Variants in TNS3 observed in about 807,000 individuals in gnomAD.
The protein encoded by TNS3 is tensin-3.
A neutral mutation model predicts 140.9 loss-of-function variants in TNS3; 45 were observed. The ratio of observed to expected loss-of-function variants is 0.32; its 90% CI spans 0.25 to 0.41. TNS3 has a LOEUF of 0.41. TNS3 is among the 10% of genes least tolerant of loss of function. The pLI is 1.00. For synonymous variants in TNS3, 815 were observed against 788.4 expected, an observed-to-expected ratio of 1.03 and a Z score of -0.56; for missense variants, 1,716 against 1,906.7, an observed-to-expected ratio of 0.90 and a Z score of 1.86.
chr7:47,449,210 G>C (rs1001578380), intron 4 of TNS3, among the ~76,000 whole-genome samples: 3 of 152,242 alleles, frequency 2.0e-5, no homozygotes, highest in African/African-American at 7.2e-5. Flanking sequence ...AGTGTGAAGA[G>C]TAGAGTCAGC....
chr7:47,569,779 G>C (rs1441033980), intron 1 of TNS3, among the ~76,000 whole-genome samples: 2 of 149,350 alleles, frequency 1.3e-5, no homozygotes. Flanking sequence ...ACTTGAACCT[G>C]GTAGGTGGAG....
intron 7 of TNS3, among the ~76,000 whole-genome samples, chr7:47,436,993 C>T (rs750914094): frequency 5.3e-5 from 8 of 152,058 alleles, no homozygotes; most frequent in Non-Finnish European, 1.0e-4. Flanking sequence ...ACTTCCTGAC[C>T]TAGATATTTC....
In TNS3 at chr7:47,302,092, C is replaced by T. The variant is rs541204635; in HGVS notation, c.3544+94G>A. On this transcript the variant is annotated intron_variant, in intron 23 of 30. Coordinates refer to ENST00000311160, the MANE Select transcript of TNS3 (RefSeq NM_022748.12). ...TCAATCCATATGAAGGCCACGGCTG[C>T]CCGATGTTCCCACCGCAGGGCCCAT... 1.5e-5 allele frequency: 15 copies of T among 1,017,692 alleles called. No homozygotes were observed. The East Asian group carries it at 3.1e-4, about 21-fold the overall frequency. 63.0% of individuals were successfully genotyped at this position (1,017,692 alleles called of 1,614,324 possible).
chr7:47,400,714 G>C, intron 14 of TNS3, 71 bp downstream of exon 14: 17 of 1,585,616 alleles, frequency 1.1e-5, no homozygotes, highest in Non-Finnish European at 1.4e-5. Context: ...AAAGGGGATA[G>C]TGAAAGAATC....
intron 8 of TNS3, among the ~76,000 whole-genome samples, chr7:47,433,200 A>C (rs187369840): frequency 1.3e-5 from 2 of 152,370 alleles, no homozygotes; most frequent in Admixed American, 6.5e-5. Flanking sequence ...CATGTGTGGA[A>C]GGAAACGCGC....
intron 16 of TNS3, among the ~76,000 whole-genome samples, chr7:47,380,225 C>T (rs1391013686): frequency 3.3e-5 from 5 of 152,362 alleles, no homozygotes; most frequent in East Asian, 1.9e-4. Context: ...GGCGGCTCCC[C>T]GGGCAGACCT....
At chr7:47,378,305 A>T (rs1485332571) in intron 16 of TNS3, among the ~76,000 whole-genome samples, 1 of 152,156 alleles carries the variant, frequency 6.6e-6, no homozygotes, top group Admixed American at 6.5e-5. Flanking sequence ...GAGTACACAG[A>T]ACGCAGGTCC....
At chr7:47,355,929 C>T (rs1417006073) in intron 17 of TNS3, among the ~76,000 whole-genome samples, 1 of 152,160 alleles carries the variant, frequency 6.6e-6, no homozygotes, top group Non-Finnish European at 1.5e-5. Context: ...CCATGCTGCC[C>T]ACTCACACAC....
chr7:47,438,197 G>T (rs1795285117), intron 6 of TNS3, among the ~76,000 whole-genome samples: 1 of 152,314 alleles, frequency 6.6e-6, no homozygotes, highest in Non-Finnish European at 1.5e-5. Context: ...TATGACAAGG[G>T]GGGGCGCTGC....
intron 20 of TNS3, among the ~76,000 whole-genome samples, chr7:47,310,981 T>C (rs1279997494): frequency 6.6e-6 from 1 of 150,720 alleles, no homozygotes. Context: ...GATGGAAATT[T>C]GGGTTGGTTC....
At chr7:47,321,253 C>T (rs1459061710) in intron 20 of TNS3, among the ~76,000 whole-genome samples, 4 of 152,198 alleles carry the variant, frequency 2.6e-5, no homozygotes, top group Non-Finnish European at 4.4e-5. Flanking sequence ...AATGGGTAGG[C>T]TACTCACTTT....
Position 47,407,439 on chromosome 7 carries a change from G to A in TNS3, c.723+4288C>T, listed in dbSNP as rs960585576. 1.1e-4 allele frequency among the ~76,000 whole-genome samples: 17 copies of A among 152,318 alleles called. No homozygotes were observed. Among genetic ancestry groups the A allele is most frequent in the Admixed American group, 6.5e-4 (10 of 15,306 alleles). On this transcript the variant is annotated intron_variant, in intron 13 of 30. Coordinates refer to ENST00000311160, the MANE Select transcript of TNS3 (RefSeq NM_022748.12). The surrounding 1 kb of genome is among the most constrained non-coding windows in gnomAD (Gnocchi z 4.1). Reference sequence around the variant, plus strand: ...TGCACTGCCCACTCACGTGTCCACCGCATCTTCTCATGCAGGCCGCACGCT... The same window carrying A: ...TGCACTGCCCACTCACGTGTCCACCACATCTTCTCATGCAGGCCGCACGCT...
At chr7:47,441,858 G>C (rs1429091686) in intron 5 of TNS3, 145 bp downstream of exon 5, 7 of 571,746 alleles carry the variant, frequency 1.2e-5, no homozygotes, top group Non-Finnish European at 2.0e-5. Flanking sequence ...AACCTGGCCT[G>C]TATCACCTTT....
chr7:47,388,117 G>A (rs1244633575), intron 16 of TNS3, among the ~76,000 whole-genome samples: 1 of 152,202 alleles, frequency 6.6e-6, no homozygotes, highest in Admixed American at 6.5e-5. Context: ...CCTACCAGGA[G>A]ATGGACATAA....
rs1349132472 is a variant in TNS3 at position 47,529,075 on chromosome 7, A to G, written c.-192T>C. 9.3e-6 allele frequency: 12 copies of G among 1,288,738 alleles called. No homozygotes were observed. Among genetic ancestry groups the G allele is most frequent in the Admixed American group, 2.3e-5 (1 of 43,228 alleles). The allele number at this position is 1,288,738 out of a possible 1,614,324, so 79.8% of individuals were successfully genotyped here. On this transcript the variant is annotated 5_prime_UTR_variant, in exon 2 of 31. Transcript: ENST00000311160. ...CCTTGACCGTCAATAATTTGTTTGC[A>G]AACTCCACACACTTTGGATTTTTTA...
rs771825631 is a variant in TNS3, at chr7:47,439,586, G to A, written c.51C>T (p.Ile17=). 1.3e-5 allele frequency: 21 copies of A among 1,614,132 alleles called. No homozygotes were observed. The East Asian group carries it at 1.3e-4, about 10-fold the overall frequency. ...AGCAGCCGGCAGGGAAGGACACAGC[G>A]ATGATGCGCTCCGTGATGTAAGTGA... ...LDLTYITERI[I]AVSFPAGCSE... The change falls in exon 6 of 31, where the codon ATC becomes ATT. Residue 17 remains isoleucine, a synonymous_variant. Transcript: ENST00000311160.
At chr7:47,565,082 AT>A (rs1181395225) in intron 1 of TNS3, among the ~76,000 whole-genome samples, 1,579 of 138,684 alleles carry the variant, frequency 0.011, 23 homozygotes, top group African/African-American at 0.031. Flanking sequence ...TTTTATTTCT[AT>A]TTTTTTTTTT....
At chr7:47,519,709 TA>T (rs1360947761) in intron 2 of TNS3, among the ~76,000 whole-genome samples, 1 of 151,472 alleles carries the variant, frequency 6.6e-6, no homozygotes, top group Non-Finnish European at 1.5e-5. Context: ...GCGAGGGTGA[TA>T]GGGGATCCTG....
intron 1 of TNS3, among the ~76,000 whole-genome samples, chr7:47,535,482 C>T (rs776906148): frequency 5.9e-5 from 9 of 152,220 alleles, no homozygotes; most frequent in African/African-American, 9.6e-5. Context: ...GAAATGAGAC[C>T]AGACGGGATT....
Sources: allele counts gnomAD v4.1 joint callset (sites outside exome capture counted in the v4.1 genomes callset), GRCh38; gene constraint gnomAD v4.1.1; non-coding constraint Gnocchi (gnomAD v3.1); transcripts MANE v1.5; gene names NCBI Gene and HGNC (gene_info 2026-07-23, HGNC 2026-07-21).